BMPER: variants seen among roughly 807,000 people sequenced by gnomAD.
BMPER encodes BMP-binding endothelial regulator protein.
BMPER carries 45 observed loss-of-function variants against 87.3 expected under a neutral mutation model. The ratio of observed to expected loss-of-function variants is 0.52; its 90% confidence interval spans 0.41 to 0.66. The LOEUF (loss-of-function observed/expected upper bound fraction) is 0.66. Ranked by LOEUF, BMPER falls within the 30% of genes least tolerant of loss-of-function variation. The pLI is 0.00. For synonymous variants in BMPER, 326 were observed against 316.2 expected (o/e 1.03, Z -0.33); for missense variants, 784 against 867.5 (o/e 0.90, Z 1.21).
intron 13 of BMPER, among the ~76,000 whole-genome samples, chr7:34,087,567 A>C (rs2127977757): frequency 6.6e-6 from 1 of 152,370 alleles, no homozygotes; most frequent in African/African-American, 2.4e-5. Flanking sequence ...GTCGCCATCC[A>C]GATTCAGTAA....
intron 13 of BMPER, among the ~76,000 whole-genome samples, chr7:34,114,521 A>G (rs1460898670): frequency 1.3e-5 from 2 of 152,246 alleles, no homozygotes; most frequent in African/African-American, 4.8e-5. Context: ...TTGGAGATGC[A>G]TGTGCAAATA....
chr7:34,125,070 T>C (rs1365676947), intron 13 of BMPER, among the ~76,000 whole-genome samples: 2 of 152,188 alleles, frequency 1.3e-5, no homozygotes, highest in African/African-American at 4.8e-5. Context: ...TTAATTATGT[T>C]TTATATGGTA....
chr7:34,079,829 G>C (rs1257602259), intron 12 of BMPER, among the ~76,000 whole-genome samples: 1 of 152,110 alleles, frequency 6.6e-6, no homozygotes, highest in African/African-American at 2.4e-5. Flanking sequence ...TAGGCTCACT[G>C]GTCTCTGCCT....
chr7:34,103,076 G>A (rs1051939524), intron 13 of BMPER, among the ~76,000 whole-genome samples: 2 of 152,158 alleles, frequency 1.3e-5, no homozygotes, highest in Non-Finnish European at 2.9e-5. Flanking sequence ...TGGCACTGAA[G>A]GATCCTCTGG....
chr7:33,974,253 A>G (rs964870183), intron 5 of BMPER, among the ~76,000 whole-genome samples: 7 of 152,112 alleles, frequency 4.6e-5, no homozygotes, highest in African/African-American at 1.4e-4. Flanking sequence ...TGGGGTACCT[A>G]GGACGCGATA....
rs1290514738 is a variant in BMPER at position 34,034,552 on chromosome 7, C to T, written c.577-11754C>T. Among the ~76,000 whole-genome samples the T allele has an allele frequency of 2.6e-5, 4 of 152,174 alleles. No homozygotes were observed. In the East Asian group the frequency reaches 5.8e-4, roughly 22 times the overall value. On this transcript the variant is annotated intron_variant, in intron 6 of 14. Coordinates refer to ENST00000649409, the MANE Select transcript of BMPER (RefSeq NM_001365308.1). The stretch of plus-strand genomic sequence containing the variant: ...ATCTTTGCACATTTCAGCTAGTGTC[C>T]TGGAGGCCTCAGATGACAAAGCAGT...
At chr7:33,972,165 A>T (rs1785566148) in intron 5 of BMPER, among the ~76,000 whole-genome samples, 1 of 152,130 alleles carries the variant, frequency 6.6e-6, no homozygotes, top group Admixed American at 6.6e-5. Context: ...GGCCTCCCAA[A>T]GTGCTGGGAT....
chr7:34,048,234 T>C (rs537644346), intron 7 of BMPER, among the ~76,000 whole-genome samples: 1 of 152,176 alleles, frequency 6.6e-6, no homozygotes, highest in African/African-American at 2.4e-5. Flanking sequence ...AGTTGACAAA[T>C]AAAGGTATTT....
At chr7:33,983,708 A>G (rs565359309) in intron 6 of BMPER, among the ~76,000 whole-genome samples, 3 of 152,316 alleles carry the variant, frequency 2.0e-5, no homozygotes, top group Non-Finnish European at 2.9e-5. Flanking sequence ...CTCTCTGTCT[A>G]TCCTCTCCCT....
At chr7:34,140,845 T>G (rs1046354041) in intron 13 of BMPER, among the ~76,000 whole-genome samples, 1 of 152,194 alleles carries the variant, frequency 6.6e-6, no homozygotes, top group South Asian at 2.1e-4. Flanking sequence ...GGGGACACAT[T>G]TCCTCACACT....
chr7:34,106,529 C>T (rs934967816), intron 13 of BMPER, among the ~76,000 whole-genome samples: 2 of 152,168 alleles, frequency 1.3e-5, no homozygotes, highest in Non-Finnish European at 2.9e-5. Flanking sequence ...TTCTCAATTC[C>T]CTATAGAGTC....
At chr7:34,093,366 C>A (rs1789442407) in intron 13 of BMPER, among the ~76,000 whole-genome samples, 1 of 152,138 alleles carries the variant, frequency 6.6e-6, no homozygotes, top group African/African-American at 2.4e-5. Flanking sequence ...ATCTTCTAGC[C>A]CCTCTTGGAG....
At chr7:34,125,196 A>G (rs1364828016) in intron 13 of BMPER, among the ~76,000 whole-genome samples, 2 of 152,192 alleles carry the variant, frequency 1.3e-5, no homozygotes, top group Non-Finnish European at 2.9e-5. Context: ...CTTACGCCAT[A>G]TAAAATTATT....
chr7:33,957,580 C>A (rs1033986094), intron 3 of BMPER, among the ~76,000 whole-genome samples: 1 of 151,892 alleles, frequency 6.6e-6, no homozygotes, highest in Admixed American at 6.6e-5. Flanking sequence ...ACACACACAC[C>A]CAGACAGACA....
intron 7 of BMPER, among the ~76,000 whole-genome samples, chr7:34,050,902 G>A (rs551446402): frequency 2.0e-5 from 3 of 152,238 alleles, no homozygotes; most frequent in South Asian, 2.1e-4. Flanking sequence ...GTACCTCTGC[G>A]TGCCCTTTGA....
rs781255103 is a variant in BMPER at position 34,119,012 on chromosome 7, T to TCACACACACACACACA, written c.1746-24217_1746-24216insACACACACACACACAC. 2.9e-3 allele frequency among the ~76,000 whole-genome samples: 96 copies of TCACACACACACACACA among 33,010 alleles called. No individual in the cohort carries two copies. The South Asian group carries it at 0.058, about 20-fold the overall frequency. 21.7% of individuals were successfully genotyped at this position (33,010 alleles called of 152,430 possible). A position where few individuals can be genotyped will look rare whatever the true frequency, so the allele number is the denominator to read the frequency against. ...CTCTCTCACTGTCTCTCTCTCTCTC[T>TCACACACACACACACA]CTCACACACACACACACACACACAC... On this transcript the variant is annotated intron_variant, in intron 13 of 14. Coordinates refer to ENST00000649409, the MANE Select transcript of BMPER (RefSeq NM_001365308.1).
chr7:34,016,363 C>A (rs1012753489), intron 6 of BMPER, among the ~76,000 whole-genome samples: 3 of 151,848 alleles, frequency 2.0e-5, no homozygotes, highest in African/African-American at 7.2e-5. Flanking sequence ...CTTTCTTTCC[C>A]AAATGTTCAA....
Position 34,155,830 on chromosome 7 carries a change from G to C in BMPER, c.*2557G>C, listed in dbSNP as rs1490768699. On this transcript the variant is annotated 3_prime_UTR_variant, in exon 15 of 15. Coordinates refer to ENST00000649409, the MANE Select transcript of BMPER (RefSeq NM_001365308.1). ...CAATTGGTTCTTCAACTAAGCTCTT[G>C]CAGAGTGAGATGACTTGAAATAAAA... 6.6e-6 allele frequency: 1 copy of C among 152,186 alleles called. No homozygotes were observed. The highest frequency in any genetic ancestry group is 1.5e-5 in the Non-Finnish European group (1 of 68,032). 9.4% of individuals were successfully genotyped at this position (152,186 alleles called of 1,614,324 possible). A position where few individuals can be genotyped will look rare whatever the true frequency, so the allele number is the denominator to read the frequency against.
At chr7:33,918,342 T>A (rs1784135836) in intron 2 of BMPER, among the ~76,000 whole-genome samples, 1 of 152,222 alleles carries the variant, frequency 6.6e-6, no homozygotes, top group Non-Finnish European at 1.5e-5. Context: ...CAGCGCCATT[T>A]GTGCCAAGAT....
Sources: allele counts gnomAD v4.1 joint callset (sites outside exome capture counted in the v4.1 genomes callset), GRCh38; gene constraint gnomAD v4.1.1; transcripts MANE v1.5; gene names NCBI Gene and HGNC (gene_info 2026-07-23, HGNC 2026-07-21).